The following CACNA1E variants were observed in gnomAD, a reference collection of about 807,000 sequenced individuals.
CACNA1E encodes voltage-dependent R-type calcium channel subunit alpha-1E.
CACNA1E carries 40 observed loss-of-function variants against 259.2 expected under a neutral mutation model. The observed-to-expected ratio is 0.15, with a 90% confidence interval of 0.12 to 0.20. The LOEUF (loss-of-function observed/expected upper bound fraction) is 0.20. Among genes scored for constraint, CACNA1E ranks in the 10% least tolerant of loss-of-function variants. The pLI, the probability that CACNA1E is intolerant of heterozygous loss-of-function variation, is 1.00. For missense variants in CACNA1E, 1,874 were observed against 3,040.1 expected (o/e 0.62, Z 9.02); for synonymous variants, 1,104 against 1,138.5 (o/e 0.97, Z 0.61).
intron 6 of CACNA1E, among the ~76,000 whole-genome samples, chr1:181,601,301 C>T (rs1317232296): frequency 6.6e-6 from 1 of 152,158 alleles, no homozygotes; most frequent in Non-Finnish European, 1.5e-5. Context: ...TAACTGTACT[C>T]CTTTTCATTC....
intron 7 of CACNA1E, among the ~76,000 whole-genome samples, chr1:181,677,032 C>T (rs1649445927): frequency 6.6e-6 from 1 of 152,086 alleles, no homozygotes; most frequent in South Asian, 2.1e-4. Flanking sequence ...CAGCTTCTTC[C>T]TCCTCTTTAG....
At chr1:181,674,110 T>A (rs1649101597) in intron 7 of CACNA1E, among the ~76,000 whole-genome samples, 1 of 151,124 alleles carries the variant, frequency 6.6e-6, no homozygotes, top group African/African-American at 2.4e-5. Flanking sequence ...CTGGGCGCGG[T>A]GGCTCATGCC....
intron 6 of CACNA1E, among the ~76,000 whole-genome samples, chr1:181,638,858 C>G (rs1485965310): frequency 1.3e-5 from 2 of 152,192 alleles, no homozygotes; most frequent in Non-Finnish European, 1.5e-5. Flanking sequence ...GCTTCCCCTT[C>G]TACCATGATT....
At chr1:181,522,233 C>G (rs1436984589) in intron 3 of CACNA1E, among the ~76,000 whole-genome samples, 1 of 152,158 alleles carries the variant, frequency 6.6e-6, no homozygotes, top group Non-Finnish European at 1.5e-5. Context: ...TGGAGCTGTA[C>G]CAAAACCCAG....
intron 2 of CACNA1E, among the ~76,000 whole-genome samples, chr1:181,464,524 T>C (rs1198629131): frequency 1.3e-5 from 2 of 151,940 alleles, no homozygotes; most frequent in Non-Finnish European, 2.9e-5. Context: ...TTGTTTTAGG[T>C]GTACCAGAAC....
intron 7 of CACNA1E, among the ~76,000 whole-genome samples, chr1:181,668,521 C>T (rs1333630783): frequency 3.3e-5 from 5 of 152,110 alleles, no homozygotes; most frequent in Admixed American, 1.3e-4. Flanking sequence ...AGAGTGCAGT[C>T]GCTGGGCCAT....
chr1:181,444,604 G>A (rs1193892802), intron 2 of CACNA1E, among the ~76,000 whole-genome samples: 2 of 152,174 alleles, frequency 1.3e-5, no homozygotes, highest in African/African-American at 4.8e-5. Context: ...TGGGTGAGAA[G>A]AAGAATAGTT....
intron 38 of CACNA1E, among the ~76,000 whole-genome samples, chr1:181,778,673 C>T (rs1454659615): frequency 2.0e-5 from 3 of 152,100 alleles, no homozygotes; most frequent in African/African-American, 7.2e-5. Flanking sequence ...CTAATGGGCT[C>T]CTGGGAAAAG....
intron 1 of CACNA1E, among the ~76,000 whole-genome samples, chr1:181,376,311 C>G: frequency 6.6e-6 from 1 of 152,170 alleles, no homozygotes. Flanking sequence ...GAATTACCCA[C>G]CCAGGAAGGT....
chr1:181,390,716 T>C (rs1220876602), intron 1 of CACNA1E, among the ~76,000 whole-genome samples: 1 of 152,190 alleles, frequency 6.6e-6, no homozygotes, highest in African/African-American at 2.4e-5. Flanking sequence ...GCCCTGTGGC[T>C]CAACATCCTA....
chr1:181,663,847 G>A (rs1402617905), intron 7 of CACNA1E, among the ~76,000 whole-genome samples: 1 of 152,040 alleles, frequency 6.6e-6, no homozygotes, highest in Admixed American at 6.6e-5. Context: ...CCCATAAATT[G>A]GCATATTTAT....
intron 1 of CACNA1E, among the ~76,000 whole-genome samples, chr1:181,344,216 C>T (rs1309547193): frequency 6.6e-6 from 1 of 152,218 alleles, no homozygotes; most frequent in Admixed American, 6.5e-5. Flanking sequence ...CTGTTCACAG[C>T]TGGATTCCAA....
intron 37 of CACNA1E, among the ~76,000 whole-genome samples, chr1:181,774,836 C>T (rs1162625991): frequency 6.6e-6 from 1 of 152,176 alleles, no homozygotes; most frequent in Admixed American, 6.5e-5. Context: ...CCAGTTTTCC[C>T]ACCAGTTGTT....
chr1:181,430,176 G>A (rs1196166314), intron 2 of CACNA1E, among the ~76,000 whole-genome samples: 1 of 152,190 alleles, frequency 6.6e-6, no homozygotes, highest in Non-Finnish European at 1.5e-5. Flanking sequence ...TTCTGTGACA[G>A]TCTTACCAAT....
chr1:181,760,846 T>C (rs1437193883), intron 32 of CACNA1E, among the ~76,000 whole-genome samples: 1 of 152,196 alleles, frequency 6.6e-6, no homozygotes, highest in Non-Finnish European at 1.5e-5. Context: ...TTCTAGTCTA[T>C]ACCACAGCAT....
intron 30 of CACNA1E, among the ~76,000 whole-genome samples, chr1:181,757,626 A>G (rs972721966): frequency 2.9e-4 from 44 of 152,238 alleles, no homozygotes; most frequent in African/African-American, 1.0e-3. Flanking sequence ...GTAGAAATAC[A>G]TAGGTAGGTA....
intron 8 of CACNA1E, among the ~76,000 whole-genome samples, chr1:181,712,342 A>G (rs560057323): frequency 4.6e-5 from 7 of 152,268 alleles, no homozygotes; most frequent in African/African-American, 7.2e-5. Context: ...GTATGACAGT[A>G]TCTTTTCTCT....
intron 1 of CACNA1E, among the ~76,000 whole-genome samples, chr1:181,361,920 A>G (rs2804695): frequency 0.015 from 2,267 of 152,322 alleles, 53 homozygotes; most frequent in African/African-American, 0.051. Flanking sequence ...TTAAGTGTAC[A>G]TACTACTCAG....
intron 7 of CACNA1E, among the ~76,000 whole-genome samples, chr1:181,703,347 T>G (rs538762640): frequency 6.6e-6 from 1 of 152,306 alleles, no homozygotes; most frequent in East Asian, 1.9e-4. Context: ...ATTCCTAATT[T>G]TATGAATGAG....
Sources: gnomAD v4.1 joint callset for allele counts (sites outside exome capture counted in the v4.1 genomes callset) on GRCh38, gnomAD v4.1.1 for gene constraint, MANE v1.5 for transcripts, NCBI Gene and HGNC (gene_info 2026-07-23, HGNC 2026-07-21) for gene names.